SHANK2: variants seen among roughly 807,000 people sequenced by gnomAD.
SHANK2 encodes SH3 and multiple ankyrin repeat domains 2.
A neutral mutation model predicts 133.7 loss-of-function variants in SHANK2; 43 were observed. That is an observed-to-expected ratio of 0.32 (90% CI 0.25 to 0.41). The LOEUF (loss-of-function observed/expected upper bound fraction) is 0.41. Ranked by LOEUF, SHANK2 falls within the 10% of genes least tolerant of loss-of-function variation. SHANK2 has a pLI of 1.00. For synonymous variants in SHANK2, 1,017 were observed against 952.8 expected, an observed-to-expected ratio of 1.07 and a Z score of -1.24; for missense variants, 1,994 against 2,235.8, an observed-to-expected ratio of 0.89 and a Z score of 2.18.
At chr11:71,191,404 C>T (rs145954412) in intron 2 of SHANK2, among the ~76,000 whole-genome samples, 24 of 152,142 alleles carry the variant, frequency 1.6e-4, no homozygotes, top group African/African-American at 5.5e-4. Context: ...GGAGTCCGCA[C>T]AGGGCTGGGT....
In SHANK2 at chr11:70,856,672, T is replaced by C. The variant is rs190355260; in HGVS notation, c.1175-35990A>G. Among the ~76,000 whole-genome samples the C allele has an allele frequency of 3.5e-4, 53 of 152,278 alleles. No individual in the cohort carries two copies. The East Asian group carries it at 7.5e-3, about 22-fold the overall frequency. ...TTTCCTTGCCTCTAGGGGGTGTGAG[T>C]TTAAACCATGTTTGATACATTATTT... On this transcript the variant is annotated intron_variant, in intron 11 of 25. Coordinates refer to ENST00000601538, the MANE Select transcript of SHANK2 (RefSeq NM_012309.5).
At chr11:70,778,955 G>A (rs192704988) in intron 14 of SHANK2, among the ~76,000 whole-genome samples, 28 of 152,142 alleles carry the variant, frequency 1.8e-4, no homozygotes, top group South Asian at 8.3e-4. Context: ...ATCCTGTAGC[G>A]GCAGGAGGGG....
intron 17 of SHANK2, among the ~76,000 whole-genome samples, chr11:70,556,030 C>A (rs377100462): frequency 3.1e-4 from 47 of 152,230 alleles, no homozygotes; most frequent in African/African-American, 1.0e-3. Flanking sequence ...ACAGCAAGTG[C>A]TGATGGAGAA....
intron 10 of SHANK2, among the ~76,000 whole-genome samples, chr11:70,924,852 A>T (rs1950405028): frequency 6.6e-6 from 1 of 152,202 alleles, no homozygotes; most frequent in Non-Finnish European, 1.5e-5. Context: ...CAGAGAACAG[A>T]TAAAGGAAAA....
chr11:71,066,882 C>T (rs1951069765), intron 9 of SHANK2, among the ~76,000 whole-genome samples: 1 of 152,116 alleles, frequency 6.6e-6, no homozygotes, highest in Non-Finnish European at 1.5e-5. Flanking sequence ...ACGAACACAC[C>T]CCTCACTGCC....
intron 9 of SHANK2, among the ~76,000 whole-genome samples, chr11:71,067,107 G>T (rs1951073447): frequency 6.6e-6 from 1 of 152,166 alleles, no homozygotes; most frequent in Non-Finnish European, 1.5e-5. Flanking sequence ...TGAAGGAAAG[G>T]GCGTGTGGAC....
intron 11 of SHANK2, among the ~76,000 whole-genome samples, chr11:70,867,601 C>T (rs998005856): frequency 9.9e-5 from 15 of 152,216 alleles, no homozygotes; most frequent in African/African-American, 3.6e-4. Context: ...GGGGTCAGCT[C>T]AGCCATGTTC....
rs1555158119 is a variant in SHANK2, at chr11:70,500,391, C to G, written c.2308+179G>C. On this transcript the variant is annotated intron_variant, in intron 21 of 25. Transcript: ENST00000601538. This position sits in a 1 kb window ranked among gnomAD's most constrained non-coding sequence, Gnocchi z 4.5. ...TGGGGAATCACAGACAGAAGCCAAGCAGAAAGAACAGACAGATGAATGTGC... is the reference window on the plus strand; with the variant it reads ...TGGGGAATCACAGACAGAAGCCAAGGAGAAAGAACAGACAGATGAATGTGC... Among the ~76,000 whole-genome samples the G allele has an allele frequency of 6.6e-6, 1 of 151,932 alleles. No individual in the cohort carries two copies. Among genetic ancestry groups the G allele is most frequent in the East Asian group, 1.9e-4 (1 of 5,162 alleles).
chr11:70,639,958 G>T (rs935801869), intron 17 of SHANK2, among the ~76,000 whole-genome samples: 2 of 152,216 alleles, frequency 1.3e-5, no homozygotes, highest in African/African-American at 2.4e-5. Flanking sequence ...GAGGGGGCAG[G>T]TCTTCAGGCC....
intron 10 of SHANK2, among the ~76,000 whole-genome samples, chr11:70,919,573 A>T (rs561729032): frequency 1.6e-4 from 24 of 152,064 alleles, no homozygotes; most frequent in Non-Finnish European, 1.5e-5. Flanking sequence ...GTAGAGTCAG[A>T]GTTTCACCAT....
At chr11:70,660,760 A>G (rs2061474691) in intron 16 of SHANK2, among the ~76,000 whole-genome samples, 1 of 152,112 alleles carries the variant, frequency 6.6e-6, no homozygotes, top group African/African-American at 2.4e-5. Flanking sequence ...CTCTCTCTGG[A>G]CAGCTCGCTA....
At chr11:71,085,569 TATATATTATATA>T (rs1259066769) in intron 8 of SHANK2, among the ~76,000 whole-genome samples, 9 of 70,284 alleles carry the variant, frequency 1.3e-4, no homozygotes, top group African/African-American at 5.1e-4. Flanking sequence ...TTATATAAAA[TATATATTATATA>T]ATATATTATA....
intron 8 of SHANK2, among the ~76,000 whole-genome samples, chr11:71,079,065 G>T (rs1951257288): frequency 6.6e-6 from 1 of 152,248 alleles, no homozygotes; most frequent in South Asian, 2.1e-4. Context: ...CACCTGACTA[G>T]GTGGTCGGTG....
At chr11:70,512,482 A>G (rs1554969440) in intron 17 of SHANK2, among the ~76,000 whole-genome samples, 1 of 152,202 alleles carries the variant, frequency 6.6e-6, no homozygotes, top group Non-Finnish European at 1.5e-5. Flanking sequence ...TGGTTACTTC[A>G]TCTTTTCCTG....
intron 17 of SHANK2, among the ~76,000 whole-genome samples, chr11:70,620,644 A>G (rs1313521423): frequency 1.3e-5 from 2 of 152,050 alleles, no homozygotes; most frequent in South Asian, 4.2e-4. Flanking sequence ...TATCCCCCCA[A>G]GTTCCTATGT....
chr11:70,797,642 C>A (rs916768128), intron 14 of SHANK2, among the ~76,000 whole-genome samples: 1 of 152,194 alleles, frequency 6.6e-6, no homozygotes, highest in Non-Finnish European at 1.5e-5. Flanking sequence ...GGGCAATGGG[C>A]CCGTTTGGAC....
At chr11:71,135,684 GACCTCAGGTGATCC>G (rs1164728754) in intron 3 of SHANK2, among the ~76,000 whole-genome samples, 4 of 152,034 alleles carry the variant, frequency 2.6e-5, no homozygotes. Context: ...TCGGACTCCT[GACCTCAGGTGATCC>G]ACCTGCCTCA....
chr11:70,629,125 C>A, intron 17 of SHANK2, among the ~76,000 whole-genome samples: 1 of 152,168 alleles, frequency 6.6e-6, no homozygotes, highest in East Asian at 1.9e-4. Flanking sequence ...GCGCCCCGGG[C>A]ACCCTCCCTC....
At chr11:70,675,382 C>T (rs950559152) in intron 15 of SHANK2, among the ~76,000 whole-genome samples, 4 of 152,198 alleles carry the variant, frequency 2.6e-5, no homozygotes, top group Non-Finnish European at 4.4e-5. Flanking sequence ...GCTGTGATGA[C>T]GCTCACTTTA....
Sources: allele counts gnomAD v4.1 joint callset (sites outside exome capture counted in the v4.1 genomes callset), GRCh38; gene constraint gnomAD v4.1.1; non-coding constraint Gnocchi (gnomAD v3.1); transcripts MANE v1.5; gene names NCBI Gene and HGNC (gene_info 2026-07-23, HGNC 2026-07-21).